Variants in TNKS observed in about 807,000 individuals in gnomAD.
TNKS encodes poly [ADP-ribose] polymerase tankyrase-1.
TNKS carries 72 observed loss-of-function variants against 135.8 expected under a neutral mutation model. The observed-to-expected ratio is 0.53, with a 90% CI of 0.44 to 0.64. TNKS has a LOEUF of 0.64. Among genes scored for constraint, TNKS ranks in the 30% least tolerant of loss-of-function variants. The pLI is 0.00. For synonymous variants in TNKS, 849 were observed against 649.3 expected, an observed-to-expected ratio of 1.31 and a Z score of -4.68; for missense variants, 1,769 against 1,674.0, an observed-to-expected ratio of 1.06 and a Z score of -0.99.
intron 1 of TNKS, chr8:9,575,206 C>A (rs11777891): frequency 0.11 from 62,586 of 551,310 alleles, 4,037 homozygotes; most frequent in Admixed American, 0.23. Context: ...CCTGCCTCAG[C>A]CTCCGGAGTA....
In TNKS at chr8:9,602,727, C is replaced by T. The variant is rs377614321; in HGVS notation, c.899-12855C>T. Among the ~76,000 whole-genome samples, 19 of 152,278 alleles carry T rather than the reference C, an allele frequency of 1.2e-4. No individual in the cohort carries two copies. The South Asian group carries it at 3.5e-3, about 28-fold the overall frequency. On this transcript the variant is annotated intron_variant, in intron 2 of 26. Transcript: ENST00000310430. ...ACACATATATGTAATTTAACATTTT[C>T]TATTAGCCACATAGAAAAGAAATGT...
At chr8:9,607,425 A>G (rs1229964756) in intron 2 of TNKS, among the ~76,000 whole-genome samples, 1 of 152,218 alleles carries the variant, frequency 6.6e-6, no homozygotes, top group Non-Finnish European at 1.5e-5. Context: ...AATTGTGGAT[A>G]TTCTTCTTTG....
In TNKS at chr8:9,763,351, TAATC is replaced by T. The variant is rs1221450756; in HGVS notation, c.3372+109_3372+112del. 9.3e-6 allele frequency: 6 copies of T among 644,926 alleles called. No homozygotes were observed. In the South Asian group the frequency reaches 1.1e-4, roughly 12 times the overall value. The allele number at this position is 644,926 out of a possible 1,614,324, so 40.0% of individuals were successfully genotyped here. ...CATTGCCTTGCGGTCACATGCCTATTAATCAGTCTGTCTTAGCCACTGTGGTAGA... is the reference window on the plus strand; with the variant it reads ...CATTGCCTTGCGGTCACATGCCTATTAGTCTGTCTTAGCCACTGTGGTAGA... On this transcript the variant is annotated intron_variant, in intron 22 of 26. Coordinates refer to ENST00000310430, the MANE Select transcript of TNKS (RefSeq NM_003747.3).
chr8:9,559,291 G>A (rs956138514), intron 1 of TNKS, among the ~76,000 whole-genome samples: 3 of 152,152 alleles, frequency 2.0e-5, no homozygotes, highest in Non-Finnish European at 2.9e-5. Context: ...AGCAGTTAAG[G>A]AAGTCTTTGT....
At chr8:9,713,639 C>T (rs1009140193) in intron 11 of TNKS, among the ~76,000 whole-genome samples, 1 of 152,084 alleles carries the variant, frequency 6.6e-6, no homozygotes, top group Admixed American at 6.6e-5. Context: ...TGCTAGTAGG[C>T]ACTTAAAAAA....
intron 5 of TNKS, among the ~76,000 whole-genome samples, chr8:9,699,843 T>G (rs543275357): frequency 4.3e-4 from 66 of 152,330 alleles, no homozygotes; most frequent in African/African-American, 1.5e-3. Flanking sequence ...TCTTAAGTAA[T>G]TTTCTGCTTC....
intron 12 of TNKS, among the ~76,000 whole-genome samples, chr8:9,723,107 C>G (rs565367706): frequency 3.4e-5 from 5 of 148,862 alleles, no homozygotes; most frequent in Non-Finnish European, 4.4e-5. Flanking sequence ...ATCTGGAAAG[C>G]TAATACAAAT....
intron 19 of TNKS, among the ~76,000 whole-genome samples, 157 bp from the exon 20 acceptor site, chr8:9,752,387 A>G (rs1806590890): frequency 6.6e-6 from 1 of 152,238 alleles, no homozygotes; most frequent in African/African-American, 2.4e-5. Flanking sequence ...CTTCAGAAAT[A>G]AAGTGTCTAA....
chr8:9,633,028 C>T (rs541695528), intron 3 of TNKS, among the ~76,000 whole-genome samples: 14 of 152,310 alleles, frequency 9.2e-5, no homozygotes, highest in Admixed American at 5.2e-4. Flanking sequence ...CGCACCCGGC[C>T]CTCTATGTTG....
chr8:9,660,282 A>AT, intron 3 of TNKS, among the ~76,000 whole-genome samples: 1 of 152,208 alleles, frequency 6.6e-6, no homozygotes. Flanking sequence ...GAGACACAGC[A>AT]GAAAAAGAGA....
At chr8:9,762,288 T>TAATC (rs777962109) in intron 21 of TNKS, among the ~76,000 whole-genome samples, 4 of 152,204 alleles carry the variant, frequency 2.6e-5, no homozygotes, top group Admixed American at 2.6e-4. Flanking sequence ...TCTACAGAGC[T>TAATC]AATCAAATTA....
chr8:9,582,132 C>G (rs1002134303), intron 2 of TNKS, among the ~76,000 whole-genome samples: 1 of 152,096 alleles, frequency 6.6e-6, no homozygotes, highest in Non-Finnish European at 1.5e-5. Flanking sequence ...TTGTAAACCC[C>G]GGTATACTTA....
At chr8:9,647,833 T>C (rs940317687) in intron 3 of TNKS, among the ~76,000 whole-genome samples, 3 of 152,222 alleles carry the variant, frequency 2.0e-5, no homozygotes, top group Non-Finnish European at 2.9e-5. Context: ...GTTGTCATTG[T>C]GTGAACATCA....
Position 9,751,783 on chromosome 8 carries a change from G to T in TNKS, c.3007G>T (p.Ala1003Ser). The T allele has an allele frequency of 6.2e-7, 1 of 1,614,168 alleles. No individual in the cohort carries two copies. The highest frequency in any genetic ancestry group is 1.1e-5 in the South Asian group (1 of 91,084). Reference sequence around the variant, plus strand: ...CCTCACTGGCCCTTTAGCAGAGTTGGCCGTAGGAGGAGCCTCCAATGCAGG... The same window carrying T: ...CCTCACTGGCCCTTTAGCAGAGTTGTCCGTAGGAGGAGCCTCCAATGCAGG... ...DNLTGPLAEL[A>S]VGGASNAGDG... The change falls in exon 19 of 27, where the codon GCC becomes TCC. Residue 1003 changes from alanine (A) to serine (S), a missense_variant. Ala to Ser is a moderately conservative substitution (Grantham distance 99, BLOSUM62 1). Transcript: ENST00000310430.
chr8:9,761,412 T>G (rs1039014675), intron 20 of TNKS, 104 bp from the exon 21 acceptor site: 27 of 1,227,780 alleles, frequency 2.2e-5, no homozygotes, highest in Non-Finnish European at 5.6e-6. Context: ...CAAAAGAATT[T>G]TCTTAATTTG....
intron 2 of TNKS, among the ~76,000 whole-genome samples, chr8:9,613,330 G>C (rs532911673): frequency 2.6e-5 from 4 of 152,142 alleles, no homozygotes; most frequent in African/African-American, 9.7e-5. Flanking sequence ...GGATTGTCAT[G>C]CTCCCTGACC....
At chr8:9,755,432 T>A (rs1413861777) in intron 20 of TNKS, among the ~76,000 whole-genome samples, 1 of 152,220 alleles carries the variant, frequency 6.6e-6, no homozygotes, top group Non-Finnish European at 1.5e-5. Flanking sequence ...CCAAGCACAG[T>A]TCTTTCCCTC....
At chr8:9,639,963 C>T (rs756704476) in intron 3 of TNKS, among the ~76,000 whole-genome samples, 24 of 152,126 alleles carry the variant, frequency 1.6e-4, no homozygotes, top group Non-Finnish European at 2.9e-4. Context: ...ACTTACTCAA[C>T]GAAGGATAAT....
intron 26 of TNKS, among the ~76,000 whole-genome samples, chr8:9,776,003 C>T (rs985484012): frequency 2.0e-5 from 3 of 151,928 alleles, no homozygotes; most frequent in African/African-American, 7.3e-5. Flanking sequence ...TTTCCTGCTC[C>T]CACCAAGAAG....
Sources: allele counts gnomAD v4.1 joint callset (sites outside exome capture counted in the v4.1 genomes callset), GRCh38; gene constraint gnomAD v4.1.1; transcripts MANE v1.5; gene names NCBI Gene and HGNC (gene_info 2026-07-23, HGNC 2026-07-21).